PRSS55: variants seen among roughly 807,000 people sequenced by gnomAD.
PRSS55 encodes serine protease 55, also known as probable serine protease UNQ9391/PRO34284.
Under a neutral mutation model 23.6 loss-of-function variants are expected in PRSS55, and 41 were observed. That is an observed-to-expected ratio of 1.74 (90% CI 1.35 to 2.26). The LOEUF (loss-of-function observed/expected upper bound fraction) is 2.26, where lower values mean the gene tolerates loss of function less well. PRSS55 is among the 30% of genes most tolerant of loss of function. The probability of loss-of-function intolerance (pLI) is 0.00; values close to 1 mark genes in which losing one functional copy is unlikely to be tolerated. For synonymous variants in PRSS55, 262 were observed against 175.5 expected, an observed-to-expected ratio of 1.49 and a Z score of -3.90; for missense variants, 669 against 439.1, an observed-to-expected ratio of 1.52 and a Z score of -4.68.
chr8:10,550,069 C>G (rs988295674), intron 4 of PRSS55, among the ~76,000 whole-genome samples: 8 of 152,140 alleles, frequency 5.3e-5, no homozygotes, highest in African/African-American at 1.9e-4. Context: ...CAGGTGCGCG[C>G]CACCATGCCC....
At chr8:10,533,889 G>A (rs1380910358) in intron 4 of PRSS55, among the ~76,000 whole-genome samples, 2 of 152,212 alleles carry the variant, frequency 1.3e-5, no homozygotes, top group Non-Finnish European at 2.9e-5. Flanking sequence ...TTTAATGTGA[G>A]AAAATTGGTA....
chr8:10,529,472 C>G (rs1242786449), intron 1 of PRSS55, 35 bp from the exon 2 acceptor site: 1 of 1,606,108 alleles, frequency 6.2e-7, no homozygotes, highest in East Asian at 2.2e-5. Context: ...CTAAGTGTTT[C>G]CCCTTTTCCT....
intron 3 of PRSS55, among the ~76,000 whole-genome samples, 174 bp from the exon 4 acceptor site, chr8:10,532,732 G>A (rs1812313302): frequency 6.6e-6 from 1 of 152,162 alleles, no homozygotes; most frequent in East Asian, 1.9e-4. Flanking sequence ...AGTTGTTGGG[G>A]GAGTGGGTAA....
At chr8:10,541,634 A>G (rs1812659178), downstream of PRSS55, 1 of 150,716 alleles carries the variant, frequency 6.6e-6, no homozygotes, top group African/African-American at 2.5e-5. Context: ...TCATCTCTGT[A>G]TCAGCTCTAT....
In PRSS55 at chr8:10,553,958, A is replaced by T. The variant is rs149281069; in HGVS notation, c.757A>T (p.Thr253Ser). The T allele has an allele frequency of 1.2e-3, 1,790 of 1,524,048 alleles. 19 individuals are homozygous for T. In the African/African-American group the frequency reaches 0.021, roughly 18 times the overall value. The allele number at this position is 1,524,048 out of a possible 1,614,324, so 94.4% of individuals were successfully genotyped here. The stretch of plus-strand genomic sequence containing the variant: ...TTTTTTAAAGCAAAGCTATTTTCCC[A>T]CTTTACAAAGAATGAACACCGGAAG... Residue 253 changes from threonine to serine, a missense_variant, in exon 5 of 5, where the codon ACT becomes TCT. Coordinates refer to the PRSS55 transcript ENST00000522210.
chr8:10,546,711 T>C (rs1812826888), intron 4 of PRSS55, among the ~76,000 whole-genome samples: 2 of 151,828 alleles, frequency 1.3e-5, no homozygotes, highest in Non-Finnish European at 2.9e-5. Flanking sequence ...AAACACAGGG[T>C]CTCACTCTGT....
At chr8:10,546,192 C>G (rs1310621121) in intron 4 of PRSS55, among the ~76,000 whole-genome samples, 3 of 152,144 alleles carry the variant, frequency 2.0e-5, no homozygotes, top group Non-Finnish European at 4.4e-5. Flanking sequence ...CCTCTATGTC[C>G]CAGGTCCCTT....
At chr8:10,548,650 G>A (rs990316849) in intron 4 of PRSS55, among the ~76,000 whole-genome samples, 2 of 152,116 alleles carry the variant, frequency 1.3e-5, no homozygotes, top group African/African-American at 2.4e-5. Context: ...AGTCTCCTGC[G>A]GAAGCAGACG....
intron 4 of PRSS55, among the ~76,000 whole-genome samples, chr8:10,551,674 T>G (rs1812954557): frequency 6.6e-6 from 1 of 152,228 alleles, no homozygotes; most frequent in South Asian, 2.1e-4. Context: ...AGGGAACAGC[T>G]GAGAACATTG....
intron 4 of PRSS55, among the ~76,000 whole-genome samples, chr8:10,548,655 C>T (rs369920953): frequency 6.6e-6 from 1 of 152,256 alleles, no homozygotes; most frequent in East Asian, 1.9e-4. Flanking sequence ...CCTGCGGAAG[C>T]AGACGAGGAG....
At chr8:10,532,827 G>T (rs1035003941) in intron 3 of PRSS55, 79 bp from the exon 4 acceptor site, 3 of 1,575,922 alleles carry the variant, frequency 1.9e-6, no homozygotes, top group South Asian at 1.2e-5. Flanking sequence ...ACACAGGGCC[G>T]AGGGCACAGT....
intron 2 of PRSS55, among the ~76,000 whole-genome samples, chr8:10,530,535 G>A (rs1453349907): frequency 6.6e-6 from 1 of 152,100 alleles, no homozygotes; most frequent in African/African-American, 2.4e-5. Context: ...GACCCCTGAA[G>A]CAGGTAGAAT....
intron 3 of PRSS55, among the ~76,000 whole-genome samples, chr8:10,532,294 T>C (rs1259535227): frequency 6.6e-6 from 1 of 152,118 alleles, no homozygotes; most frequent in Non-Finnish European, 1.5e-5. Flanking sequence ...AGGAGGCACA[T>C]GGGCATGCAC....
Position 10,538,651 on chromosome 8 carries a change from T to G in PRSS55, c.917T>G (p.Phe306Cys), listed in dbSNP as rs1216373504. The G allele has an allele frequency of 1.2e-6, 2 of 1,614,076 alleles. No individual in the cohort carries two copies. Among genetic ancestry groups the G allele is most frequent in the Non-Finnish European group, 1.7e-6 (2 of 1,179,998 alleles). The change falls in exon 5 of 5, where the codon TTC (phenylalanine) becomes TGC (cysteine). Residue 306 changes from phenylalanine (F) to cysteine (C), a missense_variant. Transcript: ENST00000328655. ...GTGACCCAGCTAGAGGGCAGGCCCT[T>G]CAATGCAGAGAAAAGGAGGACTTCT... ...EKVTQLEGRPFNAEKRRTSVK... is the reference protein window; with the variant it reads ...EKVTQLEGRPCNAEKRRTSVK...
chr8:10,545,199 CTATT>C (rs1237353132), intron 4 of PRSS55: 1 of 108,778 alleles, frequency 9.2e-6, no homozygotes, highest in African/African-American at 3.1e-5. Flanking sequence ...CAAGCCCACA[CTATT>C]TTTTTTTTTT....
intron 4 of PRSS55, chr8:10,544,999 T>A: frequency 1.0e-6 from 1 of 985,346 alleles, no homozygotes; most frequent in Non-Finnish European, 1.2e-6. Context: ...TGTGCTCTGT[T>A]GACCCAGCCT....
chr8:10,535,711 C>T (rs1221836954), intron 4 of PRSS55, among the ~76,000 whole-genome samples: 1 of 152,092 alleles, frequency 6.6e-6, no homozygotes, highest in South Asian at 2.1e-4. Flanking sequence ...CAAAATAAAA[C>T]GTTGGCCCAA....
chr8:10,529,784 G>A, intron 2 of PRSS55, 85 bp downstream of exon 2: 1 of 1,357,464 alleles, frequency 7.4e-7, no homozygotes, highest in African/African-American at 1.4e-5. Flanking sequence ...TGGTGGCTGA[G>A]AGGAACCTGC....
At chr8:10,529,941 C>T (rs1040603360) in intron 2 of PRSS55, among the ~76,000 whole-genome samples, 2 of 152,248 alleles carry the variant, frequency 1.3e-5, no homozygotes, top group Non-Finnish European at 2.9e-5. Context: ...GTCACACCTA[C>T]CCTCTCCCGG....
Sources: allele counts gnomAD v4.1 joint callset (sites outside exome capture counted in the v4.1 genomes callset), GRCh38; gene constraint gnomAD v4.1.1; transcripts MANE v1.5; gene names NCBI Gene and HGNC (gene_info 2026-07-23, HGNC 2026-07-21).